CHST1: variants seen among roughly 807,000 people sequenced by gnomAD.
The protein encoded by CHST1 is Keratan sulfotransferase.
In CHST1, 10 loss-of-function variants were observed where a neutral mutation model predicts 22.5. The observed-to-expected ratio is 0.44, with a 90% CI of 0.27 to 0.75. The LOEUF (loss-of-function observed/expected upper bound fraction) is 0.75, where lower values mean the gene tolerates loss of function less well. CHST1 is among the 30% of genes least tolerant of loss of function. The pLI is 0.15. For missense variants in CHST1, 439 were observed against 576.1 expected (o/e 0.76, Z 2.44); for synonymous variants, 267 against 264.5 (o/e 1.01, Z -0.09).
At position 45,649,619 on chromosome 11, in the gene CHST1, C is replaced by T; in HGVS notation, c.*69G>A. On this transcript the variant is annotated 3_prime_UTR_variant, in exon 4 of 4. Transcript: ENST00000308064. ...GGAGAGGGAGGGGTTAATAAGGCAA[C>T]AGTTAAAAACGGTCCATTTTATCAA... is the stretch of plus-strand genomic sequence containing the variant. 5 of 1,455,040 alleles carry T rather than the reference C, an allele frequency of 3.4e-6. No homozygotes were observed. The highest frequency in any genetic ancestry group is 3.7e-6 in the Non-Finnish European group (4 of 1,092,770). 90.1% of individuals were successfully genotyped at this position (1,455,040 alleles called of 1,614,324 possible). A position where few individuals can be genotyped will look rare whatever the true frequency, so the allele number is the denominator to read the frequency against.
Position 45,649,730 on chromosome 11 carries a change from C to T in CHST1, c.1194G>A (p.Ser398=), listed in dbSNP as rs549323787. 423 of 1,603,216 alleles carry T rather than the reference C, an allele frequency of 2.6e-4. 5 individuals are homozygous for T. The South Asian group carries it at 4.4e-3, about 17-fold the overall frequency. The stretch of plus-strand genomic sequence containing the variant: ...AGTCCCGCTCCTCCACCAGGCTGAC[C>T]GAGGGGTTCTTCAGCTCCTCCTCCG... ...AASEEELKNP[S]VSLVEERDFR... The change falls in exon 4 of 4, where the codon TCG becomes TCA. Residue 398 remains serine, a synonymous_variant. Coordinates refer to ENST00000308064, the MANE Select transcript of CHST1 (RefSeq NM_003654.6).
chr11:45,656,427 T>C (rs1046345663), intron 1 of CHST1, among the ~76,000 whole-genome samples: 3 of 152,222 alleles, frequency 2.0e-5, no homozygotes, highest in Non-Finnish European at 4.4e-5. Context: ...TGTGTAATAG[T>C]ACACCACCTT....
Position 45,650,377 on chromosome 11 carries a change from G to T in CHST1, c.547C>A (p.Arg183Ser). ...GTCAGGTTGAGTAGCCCGCACTTGC[G>T]CACACAGTCCCCCTCCTCCAGGACC... ...DLVLEEGDCV[R>S]KCGLLNLTVA... The change falls in exon 4 of 4, where the codon CGC (arginine) becomes AGC (serine). Residue 183 changes from arginine (R) to serine (S), a missense_variant. Coordinates refer to ENST00000308064, the MANE Select transcript of CHST1 (RefSeq NM_003654.6). 1 of 1,603,888 alleles carries T rather than the reference G, an allele frequency of 6.2e-7. No homozygotes were observed.
intron 1 of CHST1, among the ~76,000 whole-genome samples, chr11:45,663,880 C>T (rs1165237999): frequency 6.6e-6 from 1 of 152,156 alleles, no homozygotes; most frequent in Non-Finnish European, 1.5e-5. Flanking sequence ...AAGCCTGATA[C>T]CTCCCTGGTG....
intron 1 of CHST1, among the ~76,000 whole-genome samples, chr11:45,661,173 A>T (rs1336416151): frequency 6.6e-6 from 1 of 152,144 alleles, no homozygotes; most frequent in African/African-American, 2.4e-5. Flanking sequence ...ATTCAAACAG[A>T]CTTGGCCCTA....
intron 1 of CHST1, among the ~76,000 whole-genome samples, chr11:45,659,966 C>G (rs1852109231): frequency 6.6e-6 from 1 of 152,210 alleles, no homozygotes; most frequent in East Asian, 1.9e-4. Context: ...GAGGCTCACC[C>G]TGTCACCCCT....
intron 1 of CHST1, among the ~76,000 whole-genome samples, chr11:45,660,644 G>A (rs1481642778): frequency 6.6e-6 from 1 of 152,174 alleles, no homozygotes; most frequent in African/African-American, 2.4e-5. Flanking sequence ...CTCAATCAGT[G>A]GTACCTTCAG....
At chr11:45,657,910 G>A (rs1011946196) in intron 1 of CHST1, among the ~76,000 whole-genome samples, 1 of 152,186 alleles carries the variant, frequency 6.6e-6, no homozygotes, top group African/African-American at 2.4e-5. Flanking sequence ...CCTCCAGTAG[G>A]GACAAGCTCT....
chr11:45,654,007 G>A (rs925460237), intron 1 of CHST1, among the ~76,000 whole-genome samples: 10 of 152,162 alleles, frequency 6.6e-5, no homozygotes, highest in African/African-American at 2.4e-4. Flanking sequence ...GGAAGTCCAC[G>A]TTCAAATCCT....
At chr11:45,653,010 G>C (rs1852016152) in intron 1 of CHST1, among the ~76,000 whole-genome samples, 1 of 152,250 alleles carries the variant, frequency 6.6e-6, no homozygotes, top group South Asian at 2.1e-4. Flanking sequence ...TGGGCAGGCA[G>C]ATGCTTCTGA....
intron 1 of CHST1, among the ~76,000 whole-genome samples, chr11:45,662,638 T>A (rs1254377284): frequency 6.6e-6 from 1 of 152,212 alleles, no homozygotes; most frequent in Non-Finnish European, 1.5e-5. Context: ...GAACACTTAC[T>A]ATGGCACCAT....
chr11:45,651,702 C>T (rs1564997243), intron 3 of CHST1: 1 of 152,298 alleles, frequency 6.6e-6, no homozygotes, highest in African/African-American at 2.4e-5. Context: ...AGGGTCCAGG[C>T]CATGGAGGTG....
intron 1 of CHST1, among the ~76,000 whole-genome samples, chr11:45,663,562 C>T (rs1852161277): frequency 6.6e-6 from 1 of 152,152 alleles, no homozygotes; most frequent in Non-Finnish European, 1.5e-5. Context: ...GATGGGGAAG[C>T]CGGGTGTTGA....
chr11:45,664,756 C>G (rs1852175952), intron 1 of CHST1, among the ~76,000 whole-genome samples: 1 of 152,190 alleles, frequency 6.6e-6, no homozygotes, highest in Admixed American at 6.5e-5. Context: ...CCCCCGCCTC[C>G]GGGTGCAGCT....
intron 3 of CHST1, chr11:45,651,376 G>T (rs4148901): frequency 0.41 from 63,283 of 156,030 alleles, 14,031 homozygotes; most frequent in East Asian, 0.51. Flanking sequence ...TCTCCAGGTG[G>T]TCCTCTTTCC....
intron 1 of CHST1, chr11:45,652,821 G>A (rs1264568050): frequency 6.6e-6 from 1 of 152,302 alleles, no homozygotes; most frequent in African/African-American, 2.4e-5. Context: ...CACAGAGGTA[G>A]AGGAACCGGC....
At chr11:45,661,638 T>C (rs1852134933) in intron 1 of CHST1, among the ~76,000 whole-genome samples, 2 of 152,196 alleles carry the variant, frequency 1.3e-5, no homozygotes, top group Non-Finnish European at 2.9e-5. Context: ...CCCAGAAATC[T>C]GTTTTCCCAT....
intron 1 of CHST1, among the ~76,000 whole-genome samples, chr11:45,663,761 C>A (rs1486280362): frequency 1.3e-5 from 2 of 152,088 alleles, no homozygotes; most frequent in African/African-American, 4.8e-5. Flanking sequence ...AGGTGCCATG[C>A]CAGGCTCCTG....
intron 1 of CHST1, 44 bp from the exon 2 acceptor site, chr11:45,652,650 C>T (rs879937803): frequency 3.3e-5 from 5 of 152,358 alleles, no homozygotes; most frequent in African/African-American, 7.2e-5. Flanking sequence ...TTCCTGACCT[C>T]GATGCACCTC....
Sources: gnomAD v4.1 joint callset for allele counts (sites outside exome capture counted in the v4.1 genomes callset) on GRCh38, gnomAD v4.1.1 for gene constraint, MANE v1.5 for transcripts, NCBI Gene and HGNC (gene_info 2026-07-23, HGNC 2026-07-21) for gene names.